MYO16: variants seen among roughly 807,000 people sequenced by gnomAD.
The protein encoded by MYO16 is myosin XVI.
MYO16 carries 94 observed loss-of-function variants against 205.3 expected under a neutral mutation model. That is an observed-to-expected ratio of 0.46 (90% confidence interval 0.39 to 0.54). The LOEUF (loss-of-function observed/expected upper bound fraction) is 0.54. MYO16 is among the 20% of genes least tolerant of loss of function. MYO16 has a pLI of 0.00. For synonymous variants in MYO16, 988 were observed against 954.0 expected (o/e 1.04, Z -0.66); for missense variants, 2,315 against 2,387.5 (o/e 0.97, Z 0.63).
At chr13:109,103,102 A>C (rs1049619198) in intron 28 of MYO16, among the ~76,000 whole-genome samples, 1 of 152,204 alleles carries the variant, frequency 6.6e-6, no homozygotes, top group South Asian at 2.1e-4. Context: ...GCATATTCAT[A>C]CTTCACTTTT....
At chr13:108,563,800 C>A in the MYO16 span, among the ~76,000 whole-genome samples, 5 of 152,294 alleles carry the variant, frequency 3.3e-5, no homozygotes, top group African/African-American at 1.2e-4. Flanking sequence ...CTATAACAAA[C>A]ATGGGAGTGC....
intron 2 of MYO16, among the ~76,000 whole-genome samples, chr13:108,679,720 A>AAAAAT (rs1555338194): frequency 6.7e-6 from 1 of 148,954 alleles, no homozygotes; most frequent in African/African-American, 2.5e-5. Context: ...GCAAAAAAAA[A>AAAAAT]AATAATAATA....
the MYO16 span, among the ~76,000 whole-genome samples, chr13:108,562,797 C>T: frequency 1.3e-5 from 2 of 152,160 alleles, no homozygotes; most frequent in African/African-American, 4.8e-5. Context: ...AGCCTAGGAG[C>T]AATAGGCTAT....
chr13:109,190,249 CT>C (rs1879855654), intron 34 of MYO16, among the ~76,000 whole-genome samples: 1 of 152,006 alleles, frequency 6.6e-6, no homozygotes, highest in Non-Finnish European at 1.5e-5. Flanking sequence ...GCTACCTGGA[CT>C]TTGTTTTTGA....
rs187700363 is a variant in MYO16 at position 109,206,031 on chromosome 13, T to C, written c.5416-578T>C. ...AGTGACTGCCTTTTGGAACACCTAA[T>C]GCTTGAAAACATTTTCTACATGAGT... On this transcript the variant is annotated intron_variant, in intron 34 of 34. Coordinates refer to ENST00000457511, the MANE Select transcript of MYO16 (RefSeq NM_001198950.3). Among the ~76,000 whole-genome samples the C allele has an allele frequency of 2.4e-3, 361 of 152,332 alleles. 1 individual carries two copies. The highest frequency in any genetic ancestry group is 8.4e-3 in the African/African-American group (349 of 41,582).
chr13:109,092,768 T>C (rs1277207347), intron 27 of MYO16, among the ~76,000 whole-genome samples: 1 of 152,254 alleles, frequency 6.6e-6, no homozygotes, highest in Non-Finnish European at 1.5e-5. Context: ...CTGTGGTGAC[T>C]GCATAAGCTG....
rs368697717 is a variant in MYO16 at position 109,127,591 on chromosome 13, G to A, written c.4051+41G>A. The A allele has an allele frequency of 2.0e-5, 32 of 1,591,048 alleles. No individual in the cohort carries two copies. The highest frequency in any genetic ancestry group is 2.7e-5 in the Non-Finnish European group (32 of 1,173,094). ...GGACCCAGCCTCGTGTTCCGGGCTC[G>A]CGCATGCTCTGACTTCGCCTTGGGG... is the stretch of plus-strand genomic sequence containing the variant. On this transcript the variant is annotated intron_variant, in intron 31 of 34. Coordinates refer to ENST00000457511, the MANE Select transcript of MYO16 (RefSeq NM_001198950.3). This position sits in a 1 kb window ranked among gnomAD's most constrained non-coding sequence, Gnocchi z 4.2.
chr13:108,711,751 A>T (rs544955844), intron 2 of MYO16, among the ~76,000 whole-genome samples: 1 of 152,250 alleles, frequency 6.6e-6, no homozygotes, highest in Non-Finnish European at 1.5e-5. Context: ...GATAAAGTTA[A>T]TGGGAAGACA....
intron 15 of MYO16, among the ~76,000 whole-genome samples, chr13:108,903,187 A>G (rs1880790917): frequency 6.6e-6 from 1 of 152,220 alleles, no homozygotes; most frequent in Admixed American, 6.5e-5. Context: ...AACAAATTGT[A>G]TGCTGAGGTT....
intron 5 of MYO16, among the ~76,000 whole-genome samples, chr13:108,787,298 T>G (rs981911761): frequency 2.6e-5 from 4 of 152,180 alleles, no homozygotes; most frequent in African/African-American, 9.7e-5. Flanking sequence ...TTTGGTATGT[T>G]GGTCATACTG....
At chr13:108,827,315 ATCTCAG>A (rs1876328483) in intron 9 of MYO16, among the ~76,000 whole-genome samples, 1 of 152,042 alleles carries the variant, frequency 6.6e-6, no homozygotes, top group Non-Finnish European at 1.5e-5. Flanking sequence ...TTTTTCTGCT[ATCTCAG>A]GATACAAGCC....
At chr13:108,945,057 A>G (rs897648444) in intron 16 of MYO16, among the ~76,000 whole-genome samples, 3 of 152,324 alleles carry the variant, frequency 2.0e-5, no homozygotes, top group Middle Eastern at 3.4e-3. Context: ...CATCTTTTGT[A>G]AAACAGGTTT....
intron 20 of MYO16, among the ~76,000 whole-genome samples, chr13:108,969,445 T>C (rs1291980632): frequency 6.6e-6 from 1 of 152,130 alleles, no homozygotes; most frequent in Non-Finnish European, 1.5e-5. Context: ...ATATAGAAAA[T>C]TGGCACCCAC....
the MYO16 span, among the ~76,000 whole-genome samples, chr13:108,505,243 C>T: frequency 6.6e-6 from 1 of 152,260 alleles, no homozygotes; most frequent in South Asian, 2.1e-4. Context: ...AACTGTTTTC[C>T]ATAGTGGCTG....
chr13:108,511,187 C>A, the MYO16 span, among the ~76,000 whole-genome samples: 11 of 127,154 alleles, frequency 8.7e-5, 2 homozygotes, highest in African/African-American at 3.4e-4. Flanking sequence ...GAGATGATAT[C>A]TCATAGTGGT....
chr13:108,677,471 T>A (rs1227800258), intron 2 of MYO16, among the ~76,000 whole-genome samples: 1 of 151,066 alleles, frequency 6.6e-6, no homozygotes, highest in Non-Finnish European at 1.5e-5. Context: ...TATGTACCTA[T>A]GTATATATGA....
chr13:108,844,392 G>T lies in MYO16; in HGVS notation c.1147G>T (p.Asp383Tyr). Reference sequence around the variant, plus strand: ...CAAGCAAGACAGTTTGTTGGAAAAAGACATTATGTTCAAAGATGCAACAAA... The same window carrying T: ...CAAGCAAGACAGTTTGTTGGAAAAATACATTATGTTCAAAGATGCAACAAA... ...IAKQDSLLEK[D>Y]IMFKDATKGL... Residue 383 changes from aspartate to tyrosine, a missense_variant, in exon 10 of 35, where the codon GAC becomes TAC. Asp to Tyr is a radical substitution (Grantham distance 160). Around this residue, in one of 3 missense-constraint regions of MYO16, gnomAD observed 1,213 missense variants for 1,274.4 expected, o/e 0.95. Transcript: ENST00000457511. The T allele has an allele frequency of 6.2e-7, 1 of 1,613,382 alleles. No homozygotes were observed. The highest frequency in any genetic ancestry group is 8.5e-7 in the Non-Finnish European group (1 of 1,179,524).
rs142491957 is a variant in MYO16, at chr13:109,028,652, A to C, written c.2796+8741A>C. 6.0e-3 allele frequency among the ~76,000 whole-genome samples: 880 copies of C among 147,260 alleles called. 8 individuals are homozygous for C. The highest frequency in any genetic ancestry group is 0.015 in the South Asian group (67 of 4,494). ...TATGATGGCATAAAAACTTACAGCC[A>C]CCTTATCTAGTGTGCTTGCAAATAC... On this transcript the variant is annotated intron_variant, in intron 23 of 34. Coordinates refer to ENST00000457511, the MANE Select transcript of MYO16 (RefSeq NM_001198950.3).
At chr13:108,652,053 T>TTA (rs1555335519) in intron 1 of MYO16, among the ~76,000 whole-genome samples, 2 of 151,280 alleles carry the variant, frequency 1.3e-5, no homozygotes, top group Admixed American at 6.6e-5. Context: ...GTATATGCAG[T>TTA]AAAAAAAAAG....
Sources: gnomAD v4.1 joint callset for allele counts (sites outside exome capture counted in the v4.1 genomes callset) on GRCh38, gnomAD v4.1.1 for gene constraint, gnomAD v4.1.1 regional missense constraint, Gnocchi (gnomAD v3.1) non-coding constraint, MANE v1.5 for transcripts, NCBI Gene and HGNC (gene_info 2026-07-23, HGNC 2026-07-21) for gene names.